The following SERPING1 variants were observed in gnomAD, a reference collection of about 807,000 sequenced individuals.
The protein encoded by SERPING1 is plasma protease C1 inhibitor.
SERPING1 carries 5 observed loss-of-function variants against 34.1 expected under a neutral mutation model. That is an observed-to-expected ratio of 0.15 (90% CI 0.08 to 0.31). The LOEUF (loss-of-function observed/expected upper bound fraction) is 0.31, where lower values mean the gene tolerates loss of function less well. Among genes scored for constraint, SERPING1 ranks in the 10% least tolerant of loss-of-function variants. The probability of loss-of-function intolerance (pLI) is 1.00; values close to 1 mark genes in which losing one functional copy is unlikely to be tolerated. For missense variants in SERPING1, 505 were observed against 609.5 expected (o/e 0.83, Z 1.81); for synonymous variants, 225 against 242.4 (o/e 0.93, Z 0.67).
At chr11:57,613,005 C>T (rs1410595331) in intron 7 of SERPING1, among the ~76,000 whole-genome samples, 1 of 152,160 alleles carries the variant, frequency 6.6e-6, no homozygotes, top group Non-Finnish European at 1.5e-5. Flanking sequence ...CCTCGGCTTC[C>T]CAAAGTGCTG....
chr11:57,612,310 C>CA (rs1391297965), intron 7 of SERPING1, among the ~76,000 whole-genome samples: 1 of 152,074 alleles, frequency 6.6e-6, no homozygotes, highest in Non-Finnish European at 1.5e-5. Flanking sequence ...CATTTCAAAA[C>CA]AGTCAGCCAC....
chr11:57,607,885 C>T (rs1251071199), intron 6 of SERPING1, among the ~76,000 whole-genome samples: 2 of 152,194 alleles, frequency 1.3e-5, no homozygotes, highest in African/African-American at 4.8e-5. Context: ...GTCTCGAACT[C>T]CTGACCTCAA....
Position 57,614,726 on chromosome 11 carries a change from G to A in SERPING1, c.*145G>A. Reference sequence around the variant, plus strand: ...CACCAAAAGGGCTCCCTGAGGGTCTGGGCAAGGGACCTGCTTCTATTAGCC... The same window carrying A: ...CACCAAAAGGGCTCCCTGAGGGTCTAGGCAAGGGACCTGCTTCTATTAGCC... On this transcript the variant is annotated 3_prime_UTR_variant, in exon 8 of 8. Coordinates refer to ENST00000278407, the MANE Select transcript of SERPING1 (RefSeq NM_000062.3). 1 of 942,444 alleles carries A rather than the reference G, an allele frequency of 1.1e-6. No homozygotes were observed. Among genetic ancestry groups the A allele is most frequent in the Non-Finnish European group, 1.6e-6 (1 of 639,210 alleles). 58.4% of individuals were successfully genotyped at this position (942,444 alleles called of 1,614,324 possible).
chr11:57,599,910 G>C lies in SERPING1; in HGVS notation c.83G>C (p.Ser28Thr). The change falls in exon 3 of 8, where the codon AGC becomes ACC. Residue 28 changes from serine to threonine, a missense_variant. Transcript: ENST00000278407. Reference protein sequence around the residue: ...DRASSNPNATSSSSQDPESLQ... With the variant: ...DRASSNPNATTSSSQDPESLQ... ...GCCTCCTCAAATCCAAATGCTACCA[G>C]CTCCAGCTCCCAGGATCCAGAGAGT... 1 of 1,614,170 alleles carries C rather than the reference G, an allele frequency of 6.2e-7. No individual in the cohort carries two copies. The highest frequency in any genetic ancestry group is 1.7e-5 in the Admixed American group (1 of 60,016).
chr11:57,602,782 AC>A (rs1804382322), intron 4 of SERPING1, among the ~76,000 whole-genome samples: 1 of 87,418 alleles, frequency 1.1e-5, no homozygotes, highest in Admixed American at 1.3e-4. Context: ...CAAAACAAAA[AC>A]AAAAAAAAAA....
chr11:57,608,571 G>A (rs1257223199), intron 6 of SERPING1, among the ~76,000 whole-genome samples: 1 of 152,178 alleles, frequency 6.6e-6, no homozygotes, highest in Non-Finnish European at 1.5e-5. Context: ...GGAGTGCAGT[G>A]GCACAATCCC....
intron 7 of SERPING1, 26 bp from the exon 8 acceptor site, chr11:57,614,300 ACT>A (rs776707704): frequency 5.0e-6 from 8 of 1,611,420 alleles, no homozygotes; most frequent in Middle Eastern, 1.6e-4. Flanking sequence ...CTGGCTTCTG[ACT>A]CTGTTTTTCT....
intron 6 of SERPING1, among the ~76,000 whole-genome samples, chr11:57,607,115 C>T (rs187635587): frequency 1.3e-5 from 2 of 152,286 alleles, no homozygotes; most frequent in East Asian, 3.9e-4. Flanking sequence ...CCAGATATTT[C>T]CACCTTTTTA....
rs1945411374 is a variant in SERPING1 at position 57,606,477 on chromosome 11, T to C, written c.959T>C (p.Ile320Thr). Residue 320 changes from isoleucine (I) to threonine (T), a missense_variant, in exon 6 of 8, where the codon ATA becomes ACA. Transcript: ENST00000278407. ...MEPFHFKNSV[I>T]KVPMMNSKKY... ...CCCTTTCACTTCAAAAACTCAGTTATAAAAGTGCCCATGATGAATAGCAAG... is the reference window on the plus strand; with the variant it reads ...CCCTTTCACTTCAAAAACTCAGTTACAAAAGTGCCCATGATGAATAGCAAG... The C allele has an allele frequency of 1.9e-6, 3 of 1,614,214 alleles. No homozygotes were observed. The highest frequency in any genetic ancestry group is 2.5e-6 in the Non-Finnish European group (3 of 1,180,030).
intron 2 of SERPING1, 163 bp from the exon 3 acceptor site, chr11:57,599,716 T>C: frequency 1.1e-6 from 1 of 912,156 alleles, no homozygotes; most frequent in South Asian, 1.5e-5. Context: ...GAGGAATTAG[T>C]GGTGGTGGTT....
chr11:57,612,051 C>T (rs1245747453), intron 7 of SERPING1, 115 bp downstream of exon 7: 7 of 877,018 alleles, frequency 8.0e-6, no homozygotes, highest in Non-Finnish European at 1.3e-5. Context: ...TCAGTTTGTC[C>T]TGCAACCCTG....
chr11:57,604,642 TC>T (rs1945388082), intron 4 of SERPING1, among the ~76,000 whole-genome samples: 1 of 152,024 alleles, frequency 6.6e-6, no homozygotes, highest in South Asian at 2.1e-4. Flanking sequence ...TCTACCCACC[TC>T]CCTTTTTAAA....
Position 57,598,401 on chromosome 11 carries a change from A to AT in SERPING1, c.51+82dup. On this transcript the variant is annotated intron_variant, in intron 2 of 7. Coordinates refer to ENST00000278407, the MANE Select transcript of SERPING1 (RefSeq NM_000062.3). ...TGCGGGGTGCGGGCGGTGGCTGAGG[A>AT]TTAACCCTTCAGGCTCCGGGGAATG... 2.9e-6 allele frequency: 4 copies of AT among 1,394,378 alleles called. No individual in the cohort carries two copies. In the South Asian group the frequency reaches 5.0e-5, roughly 17 times the overall value. 86.4% of individuals were successfully genotyped at this position (1,394,378 alleles called of 1,614,324 possible). A position where few individuals can be genotyped will look rare whatever the true frequency, so the allele number is the denominator to read the frequency against.
At chr11:57,611,526 C>G in intron 6 of SERPING1, 191 bp from the exon 7 acceptor site, 1 of 639,138 alleles carries the variant, frequency 1.6e-6, no homozygotes, top group Non-Finnish European at 2.8e-6. Context: ...CTCCCCAGCA[C>G]AGAGTTGGAT....
At position 57,600,380 on chromosome 11, in the gene SERPING1, A is replaced by G. The variant is rs112270533; in HGVS notation, c.550+3A>G. On this transcript the variant is annotated splice_donor_region_variant and intron_variant, in intron 3 of 7. Transcript: ENST00000278407. ...CCTCCTTACCCAGGTCCTGCTCGGT[A>G]AGACCCTGCTTGAATTCTCTCCAGG... 1 of 1,612,234 alleles carries G rather than the reference A, an allele frequency of 6.2e-7. No individual in the cohort carries two copies.
In SERPING1 at chr11:57,599,957, A is replaced by G; in HGVS notation, c.130A>G (p.Lys44Glu). 3 of 1,614,202 alleles carry G rather than the reference A, an allele frequency of 1.9e-6. No individual in the cohort carries two copies. The highest frequency in any genetic ancestry group is 2.5e-6 in the Non-Finnish European group (3 of 1,180,036). The change falls in exon 3 of 8, where the codon AAG (lysine) becomes GAG (glutamate). Residue 44 changes from lysine (K) to glutamate (E), a missense_variant. Physicochemically the swap from Lys to Glu is moderately conservative, Grantham distance 56 (BLOSUM62 1). Coordinates refer to ENST00000278407, the MANE Select transcript of SERPING1 (RefSeq NM_000062.3). The part of the protein sequence containing the change: ...PESLQDRGEG[K>E]VATTVISKML... ...GAGTTTGCAAGACAGAGGCGAAGGG[A>G]AGGTCGCAACAACAGTTATCTCCAA...
chr11:57,599,795 A>T (rs923570606), intron 2 of SERPING1, 84 bp from the exon 3 acceptor site: 2 of 1,595,714 alleles, frequency 1.3e-6, no homozygotes, highest in Non-Finnish European at 1.7e-6. Context: ...TTCCACATCC[A>T]CACCTTCTCT....
At chr11:57,601,854 TCAAAAA>T (rs1945350635) in intron 3 of SERPING1, among the ~76,000 whole-genome samples, 175 bp from the exon 4 acceptor site, 1 of 47,062 alleles carries the variant, frequency 2.1e-5, no homozygotes, top group African/African-American at 1.0e-4. Context: ...AGACTCTGTC[TCAAAAA>T]AAAAAAAAAA....
At chr11:57,607,215 C>G (rs143183046) in intron 6 of SERPING1, among the ~76,000 whole-genome samples, 3 of 152,308 alleles carry the variant, frequency 2.0e-5, no homozygotes, top group East Asian at 3.9e-4. Context: ...GTTCTTGGAA[C>G]ATGCTAGGCT....
Sources: allele counts gnomAD v4.1 joint callset (sites outside exome capture counted in the v4.1 genomes callset), GRCh38; gene constraint gnomAD v4.1.1; transcripts MANE v1.5; gene names NCBI Gene and HGNC (gene_info 2026-07-23, HGNC 2026-07-21).